SETD1A: variants seen among roughly 807,000 people sequenced by gnomAD.
The protein encoded by SETD1A is histone-lysine N-methyltransferase SETD1A.
Under a neutral mutation model 149.9 loss-of-function variants are expected in SETD1A, and 29 were observed. The ratio of observed to expected loss-of-function variants is 0.19; its 90% CI spans 0.14 to 0.26. The LOEUF is 0.26. SETD1A is among the 10% of genes least tolerant of loss of function. The pLI is 1.00. For synonymous variants in SETD1A, 1,141 were observed against 968.5 expected, an observed-to-expected ratio of 1.18 and a Z score of -3.31; for missense variants, 2,109 against 2,353.1, an observed-to-expected ratio of 0.90 and a Z score of 2.15.
chr16:30,964,810 C>T lies in SETD1A; in HGVS notation c.1068C>T (p.Ser356=), dbSNP rs1167229288. ...CCTCGTCATCCTCTTCCTCCTCGTC[C>T]TCTCAGTTTCGTAGTTCTGATGCAA... ...SSSSSSSSSS[S]SQFRSSDANY... is the part of the protein sequence containing the mutation. Residue 356 remains serine (S), a synonymous_variant, in exon 7 of 19, where the codon TCC becomes TCT. Coordinates refer to ENST00000262519, the MANE Select transcript of SETD1A (RefSeq NM_014712.3). The T allele has an allele frequency of 1.4e-5, 22 of 1,614,038 alleles. No individual in the cohort carries two copies. Among genetic ancestry groups the T allele is most frequent in the Non-Finnish European group, 1.9e-5 (22 of 1,179,996 alleles).
At position 30,965,310 on chromosome 16, in the gene SETD1A, C is replaced by T. The variant is rs1454717801; in HGVS notation, c.1568C>T (p.Ala523Val). ...GAGAACAGCAGCATGGTCCTTGGGGCCAGAGATACAGGGAGTGAGGTGCCT... is the reference window on the plus strand; with the variant it reads ...GAGAACAGCAGCATGGTCCTTGGGGTCAGAGATACAGGGAGTGAGGTGCCT... The part of the protein sequence containing the change: ...EEENSSMVLG[A>V]RDTGSEVPSG... The change falls in exon 7 of 19, where the codon GCC becomes GTC. Residue 523 changes from alanine to valine, a missense_variant. By Grantham distance (64) the Ala-to-Val change is moderately conservative. Around this residue, in one of 8 missense-constraint regions of SETD1A, gnomAD observed 431 missense variants for 388.6 expected, o/e 1.11. Transcript: ENST00000262519. The T allele has an allele frequency of 1.9e-6, 3 of 1,614,104 alleles. No homozygotes were observed. The highest frequency in any genetic ancestry group is 1.7e-5 in the Admixed American group (1 of 60,008).
At chr16:30,982,116 T>C (rs951103837) in intron 17 of SETD1A, among the ~76,000 whole-genome samples, 2 of 152,156 alleles carry the variant, frequency 1.3e-5, no homozygotes, top group Admixed American at 6.5e-5. Context: ...CAAGTGGTAG[T>C]GTGTGTGCGC....
Position 30,980,980 on chromosome 16 carries a change from C to A in SETD1A, c.4693-81C>A. ...GGGGGGTAAGCAGCCAGAACACCCT[C>A]TGCCCAGGAAGTCTGTGGGAAGAGT... On this transcript the variant is annotated intron_variant, in intron 16 of 18. Transcript: ENST00000262519. The surrounding 1 kb of genome is among the most constrained non-coding windows in gnomAD (Gnocchi z 7.7). The A allele has an allele frequency of 6.3e-7, 1 of 1,592,026 alleles. No individual in the cohort carries two copies. Among genetic ancestry groups the A allele is most frequent in the Admixed American group, 1.7e-5 (1 of 59,170 alleles).
Position 30,983,897 on chromosome 16 carries a change from C to T in SETD1A, c.4998C>T (p.Ile1666=), listed in dbSNP as rs763880468. The T allele has an allele frequency of 3.2e-5, 52 of 1,612,358 alleles. No individual in the cohort carries two copies. The Admixed American group carries it at 3.7e-4, about 11-fold the overall frequency. Residue 1666 remains isoleucine, a synonymous_variant, in exon 19 of 19, where the codon ATC becomes ATT. Coordinates refer to ENST00000262519, the MANE Select transcript of SETD1A (RefSeq NM_014712.3). This position sits in a 1 kb window ranked among gnomAD's most constrained non-coding sequence, Gnocchi z 6.8. ...TCACCATCGAGTCCCAGAAGAAGATCGTGATCTACTCCAAGCAGCCCATTG... is the reference window on the plus strand; with the variant it reads ...TCACCATCGAGTCCCAGAAGAAGATTGTGATCTACTCCAAGCAGCCCATTG... The part of the protein sequence containing the change: ...KVITIESQKK[I]VIYSKQPIGV...
chr16:30,972,357 C>T (rs910989323), intron 13 of SETD1A, among the ~76,000 whole-genome samples: 2 of 152,184 alleles, frequency 1.3e-5, no homozygotes, highest in Admixed American at 1.3e-4. Context: ...ACATAGGAGG[C>T]CGGGCGCGGT....
chr16:30,964,984 C>T lies in SETD1A; in HGVS notation c.1242C>T (p.Pro414=). Residue 414 remains proline (P), a synonymous_variant, in exon 7 of 19, where the codon CCC becomes CCT. Coordinates refer to ENST00000262519, the MANE Select transcript of SETD1A (RefSeq NM_014712.3). ...RFPPSYTSYL[P]PEPSRPTDQD... Reference sequence around the variant, plus strand: ...CACCTTCTTACACCTCCTACCTGCCCCCCGAGCCCAGCCGGCCCACCGACC... The same window carrying T: ...CACCTTCTTACACCTCCTACCTGCCTCCCGAGCCCAGCCGGCCCACCGACC... 6.2e-7 allele frequency: 1 copy of T among 1,614,050 alleles called. No homozygotes were observed. The highest frequency in any genetic ancestry group is 1.3e-5 in the African/African-American group (1 of 75,048).
Position 30,984,567 on chromosome 16 carries a change from G to A in SETD1A, c.*544G>A, listed in dbSNP as rs888238730. On this transcript the variant is annotated 3_prime_UTR_variant, in exon 19 of 19. Transcript: ENST00000262519. ...CCCGGCTCAGCCAGGCCAGGATGGC[G>A]GGGTGGGTCCCTTTTGCTGGGCTGG... is the stretch of plus-strand genomic sequence containing the variant. The A allele has an allele frequency of 2.5e-5, 4 of 159,426 alleles. No individual in the cohort carries two copies. Among genetic ancestry groups the A allele is most frequent in the Non-Finnish European group, 4.2e-5 (3 of 71,806 alleles). 9.9% of individuals were successfully genotyped at this position (159,426 alleles called of 1,614,324 possible). A position where few individuals can be genotyped will look rare whatever the true frequency, so the allele number is the denominator to read the frequency against.
chr16:30,976,717 C>T (rs1002276658), intron 13 of SETD1A, among the ~76,000 whole-genome samples: 6 of 152,034 alleles, frequency 3.9e-5, no homozygotes, highest in African/African-American at 1.4e-4. Context: ...TGTGTGGCTG[C>T]TTGAGGGGAG....
rs1481565379 is a variant in SETD1A at position 30,957,966 on chromosome 16, T to G, written c.-16+2T>G. On this transcript the variant is annotated splice_donor_variant, in intron 1 of 18. Transcript: ENST00000262519. LOFTEE classifies it low-confidence loss of function (5UTR_SPLICE). ...CTGTGCCCGCTGGGCCTCGCGCAGG[T>G]GGCAGTGGTGTTTGGTGCGCGCGCC... 6.6e-6 allele frequency: 1 copy of G among 152,110 alleles called. No homozygotes were observed. The highest frequency in any genetic ancestry group is 1.5e-5 in the Non-Finnish European group (1 of 67,960). 9.4% of individuals were successfully genotyped at this position (152,110 alleles called of 1,614,324 possible).
intron 13 of SETD1A, among the ~76,000 whole-genome samples, chr16:30,976,385 C>T (rs970765545): frequency 1.3e-5 from 2 of 152,122 alleles, no homozygotes; most frequent in African/African-American, 4.8e-5. Context: ...AGCCTCTCGC[C>T]TGGGCCTCCC....
At chr16:30,958,993 C>T (rs1309956044) in intron 2 of SETD1A, 98 bp from the exon 3 acceptor site, 3 of 1,461,276 alleles carry the variant, frequency 2.1e-6, no homozygotes, top group Non-Finnish European at 2.9e-6. Context: ...GGCAGTTGGA[C>T]CCAGCTCTTC....
In SETD1A at chr16:30,971,473, T is replaced by C; in HGVS notation, c.3112T>C (p.Ser1038Pro). Residue 1038 changes from serine (S) to proline (P), a missense_variant, in exon 13 of 19, where the codon TCT (serine) becomes CCT (proline). This residue lies in a region of SETD1A where 832 missense variants were observed against 815.6 expected (regional missense o/e 1.02). Coordinates refer to ENST00000262519, the MANE Select transcript of SETD1A (RefSeq NM_014712.3). ...DSTSDSESSS[S>P]SSSSSSSSSS... Reference sequence around the variant, plus strand: ...CACATCAGACTCCGAGAGCAGCAGCTCTTCCAGCTCCTCATCCTCCTCCTC... The same window carrying C: ...CACATCAGACTCCGAGAGCAGCAGCCCTTCCAGCTCCTCATCCTCCTCCTC... 2 of 1,613,890 alleles carry C rather than the reference T, an allele frequency of 1.2e-6. No individual in the cohort carries two copies. The highest frequency in any genetic ancestry group is 1.7e-6 in the Non-Finnish European group (2 of 1,179,906).
intron 1 of SETD1A, 116 bp from the exon 2 acceptor site, chr16:30,958,601 A>G: frequency 1.2e-6 from 1 of 843,326 alleles, no homozygotes; most frequent in South Asian, 1.6e-5. Context: ...GGTCAGGGTG[A>G]GGGTTGGAAA....
At position 30,971,511 on chromosome 16, in the gene SETD1A, ATCC is replaced by A. The variant is rs751202758; in HGVS notation, c.3156_3158del (p.Ser1058del). 16 of 1,613,440 alleles carry A rather than the reference ATCC, an allele frequency of 9.9e-6. No homozygotes were observed. Among genetic ancestry groups the A allele is most frequent in the Non-Finnish European group, 1.4e-5 (16 of 1,179,792 alleles). ...CATCCTCCTCCTCCTCCTCGTCCTCATCCTCCTCGTCCTCTTCATCCTCTGAGT... is the reference window on the plus strand; with the variant it reads ...CATCCTCCTCCTCCTCCTCGTCCTCATCCTCGTCCTCTTCATCCTCTGAGT... On this transcript the variant is annotated inframe_deletion, in exon 13 of 19. Transcript: ENST00000262519.
chr16:30,966,523 C>G (rs2056149641), intron 8 of SETD1A, 137 bp downstream of exon 8: 2 of 1,360,846 alleles, frequency 1.5e-6, no homozygotes, highest in Admixed American at 2.9e-5. Context: ...TGCAGGCCAC[C>G]CTGGGTGGGC....
At position 30,964,780 on chromosome 16, in the gene SETD1A, G is replaced by GTCCTCCTCGTCATCCTCT. The variant is rs768575294; in HGVS notation, c.1050_1067dup (p.Ser352_Ser357dup). Reference sequence around the variant, plus strand: ...CCGCCTCTTCCTCCTCATTGTCCTCGTCCTCCTCGTCATCCTCTTCCTCCT... The same window carrying GTCCTCCTCGTCATCCTCT: ...CCGCCTCTTCCTCCTCATTGTCCTCGTCCTCCTCGTCATCCTCTTCCTCCTCGTCATCCTCTTCCTCCT... On this transcript the variant is annotated inframe_insertion, in exon 7 of 19. Transcript: ENST00000262519. 43 of 1,613,944 alleles carry GTCCTCCTCGTCATCCTCT rather than the reference G, an allele frequency of 2.7e-5. No individual in the cohort carries two copies. The highest frequency in any genetic ancestry group is 1.6e-4 in the Middle Eastern group (1 of 6,082).
intron 13 of SETD1A, among the ~76,000 whole-genome samples, chr16:30,973,631 G>C (rs1009267842): frequency 3.9e-5 from 6 of 152,236 alleles, no homozygotes; most frequent in Middle Eastern, 3.4e-3. Context: ...TTCCAGCCTG[G>C]GCAACAGAGT....
intron 3 of SETD1A, among the ~76,000 whole-genome samples, chr16:30,959,466 G>A (rs1310862030): frequency 1.3e-5 from 2 of 152,120 alleles, no homozygotes; most frequent in African/African-American, 2.4e-5. Context: ...CTGTATATTC[G>A]TAGACAGTGC....
In SETD1A at chr16:30,984,119, C is replaced by CT; in HGVS notation, c.*96_*97insT. 1.7e-6 allele frequency: 2 copies of CT among 1,175,270 alleles called. No individual in the cohort carries two copies. Among genetic ancestry groups the CT allele is most frequent in the Non-Finnish European group, 2.3e-6 (2 of 855,022 alleles). The allele number at this position is 1,175,270 out of a possible 1,614,324, so 72.8% of individuals were successfully genotyped here. On this transcript the variant is annotated 3_prime_UTR_variant, in exon 19 of 19. Coordinates refer to ENST00000262519, the MANE Select transcript of SETD1A (RefSeq NM_014712.3). The stretch of plus-strand genomic sequence containing the variant: ...GCCTTAGTGGGCTCAGCAGGGCCCA[C>CT]ATGCCCCCATCTCCAAGCGTGGGGT...
Sources: gnomAD v4.1 joint callset for allele counts (sites outside exome capture counted in the v4.1 genomes callset) on GRCh38, gnomAD v4.1.1 for gene constraint, gnomAD v4.1.1 regional missense constraint, Gnocchi (gnomAD v3.1) non-coding constraint, MANE v1.5 for transcripts, NCBI Gene and HGNC (gene_info 2026-07-23, HGNC 2026-07-21) for gene names.